The following OSBPL6 variants were observed in gnomAD, a reference collection of about 807,000 sequenced individuals.
The protein encoded by OSBPL6 is oxysterol-binding protein-related protein 6.
Under a neutral mutation model 125.8 loss-of-function variants are expected in OSBPL6, and 49 were observed. That is an observed-to-expected ratio of 0.39 (90% CI 0.31 to 0.49). The LOEUF (loss-of-function observed/expected upper bound fraction) is 0.49. Ranked by LOEUF, OSBPL6 falls within the 20% of genes least tolerant of loss-of-function variation. The pLI is 0.88. For missense variants in OSBPL6, 986 were observed against 1,135.4 expected (o/e 0.87, Z 1.89); for synonymous variants, 394 against 391.8 (o/e 1.01, Z -0.07).
chr2:178,261,195 T>G (rs993918586), intron 1 of OSBPL6, among the ~76,000 whole-genome samples: 3 of 151,912 alleles, frequency 2.0e-5, no homozygotes, highest in African/African-American at 7.2e-5. Context: ...CTGATGCTTA[T>G]CTATATAAAG....
At chr2:178,348,078 T>C (rs949094873) in intron 11 of OSBPL6, among the ~76,000 whole-genome samples, 1 of 152,170 alleles carries the variant, frequency 6.6e-6, no homozygotes, top group Non-Finnish European at 1.5e-5. Context: ...CTCTAAATCC[T>C]TGGAGAAAAA....
At position 178,349,335 on chromosome 2, in the gene OSBPL6, A is replaced by G. The variant is rs1691018634; in HGVS notation, c.1099A>G (p.Ser367Gly). The G allele has an allele frequency of 1.2e-6, 2 of 1,614,084 alleles. No homozygotes were observed. The highest frequency in any genetic ancestry group is 4.5e-5 in the East Asian group (2 of 44,900). The change falls in exon 12 of 25, where the codon AGT becomes GGT. Residue 367 changes from serine to glycine, a missense_variant. Coordinates refer to ENST00000190611, the MANE Select transcript of OSBPL6 (RefSeq NM_032523.4). ...PPSHLTDPLE[S>G]STDYTKLQEE... ...TAGCCACCTCACTGACCCTCTGGAA[A>G]GTTCAACAGATTATACAAAGCTGCA...
At chr2:178,372,274 A>G (rs2154105714) in intron 14 of OSBPL6, 41 bp downstream of exon 14, 1 of 1,423,864 alleles carries the variant, frequency 7.0e-7, no homozygotes, top group Non-Finnish European at 9.8e-7. Flanking sequence ...CCTATTTTTT[A>G]GCATCTAAAT....
Position 178,336,348 on chromosome 2 carries a change from T to C in OSBPL6, c.705T>C (p.Asn235=), listed in dbSNP as rs1238637991. The part of the protein sequence containing the change: ...FPWQSPLPCS[N]SLPATCTTGQ... ...GGCAGTCCCCTTTACCATGCAGCAA[T>C]AGCCTCCCTGCAACGTGCACAACTG... Residue 235 remains asparagine, a synonymous_variant, in exon 9 of 25, where the codon AAT becomes AAC. Coordinates refer to ENST00000190611, the MANE Select transcript of OSBPL6 (RefSeq NM_032523.4). The C allele has an allele frequency of 1.1e-5, 18 of 1,613,962 alleles. No individual in the cohort carries two copies. The highest frequency in any genetic ancestry group is 1.5e-5 in the Non-Finnish European group (18 of 1,179,988).
chr2:178,385,553 T>C (rs1370032021), intron 19 of OSBPL6, 32 bp downstream of exon 19: 4 of 1,489,962 alleles, frequency 2.7e-6, no homozygotes, highest in East Asian at 4.5e-5. Flanking sequence ...TAAAATCAAA[T>C]GTATGAGCCT....
chr2:178,222,032 G>C (rs1483329059), intron 1 of OSBPL6, among the ~76,000 whole-genome samples: 2 of 152,166 alleles, frequency 1.3e-5, no homozygotes, highest in African/African-American at 4.8e-5. Context: ...ATTGGGAATG[G>C]AGAGGAATGA....
intron 1 of OSBPL6, among the ~76,000 whole-genome samples, chr2:178,208,491 A>G (rs988826710): frequency 6.6e-6 from 1 of 152,108 alleles, no homozygotes; most frequent in African/African-American, 2.4e-5. Flanking sequence ...TCCTCCCTCA[A>G]GATCCTTTCA....
chr2:178,278,371 G>T (rs1448746233), intron 1 of OSBPL6, among the ~76,000 whole-genome samples: 1 of 152,120 alleles, frequency 6.6e-6, no homozygotes, highest in Non-Finnish European at 1.5e-5. Context: ...TTTGTTGATT[G>T]TTACATTTCT....
chr2:178,368,519 T>C (rs879113738), intron 13 of OSBPL6, among the ~76,000 whole-genome samples: 1 of 152,186 alleles, frequency 6.6e-6, no homozygotes, highest in Admixed American at 6.5e-5. Context: ...TCTACTTTTG[T>C]CTCAGTTCTA....
At position 178,386,712 on chromosome 2, in the gene OSBPL6, TAC is replaced by T. The variant is rs1385085091; in HGVS notation, c.2078-339_2078-338del. Among the ~76,000 whole-genome samples the T allele has an allele frequency of 3.7e-5, 5 of 136,238 alleles. No homozygotes were observed. The East Asian group carries it at 7.6e-4, about 21-fold the overall frequency. The allele number at this position is 136,238 out of a possible 152,430, so 89.4% of individuals were successfully genotyped here. A position where few individuals can be genotyped will look rare whatever the true frequency, so the allele number is the denominator to read the frequency against. On this transcript the variant is annotated intron_variant, in intron 19 of 24. Transcript: ENST00000190611. ...TCTATGTTTGTATGTAAAATGTGAA[TAC>T]ACACACACAGACACACACACACACA...
intron 1 of OSBPL6, among the ~76,000 whole-genome samples, chr2:178,228,452 G>T (rs529407069): frequency 6.6e-6 from 1 of 152,182 alleles, no homozygotes; most frequent in East Asian, 1.9e-4. Flanking sequence ...GAAGAATGGC[G>T]TGAAGCCGGG....
chr2:178,230,554 A>G (rs999163978), intron 1 of OSBPL6: 1 of 152,270 alleles, frequency 6.6e-6, no homozygotes, highest in Admixed American at 6.5e-5. Flanking sequence ...TGCCCGAGAG[A>G]ACTTGAGTCA....
At chr2:178,204,031 T>C (rs567490892) in intron 1 of OSBPL6, among the ~76,000 whole-genome samples, 128 of 150,236 alleles carry the variant, frequency 8.5e-4, no homozygotes, top group Non-Finnish European at 1.2e-3. Context: ...TTTTCTTTTT[T>C]TTTTTTTTTT....
At chr2:178,265,618 A>G (rs933133725) in intron 1 of OSBPL6, among the ~76,000 whole-genome samples, 32 of 152,108 alleles carry the variant, frequency 2.1e-4, no homozygotes, top group Admixed American at 6.6e-5. Flanking sequence ...GGTGGCTTTA[A>G]GTGGGAAGAT....
At chr2:178,207,119 G>A (rs76643426) in intron 1 of OSBPL6, among the ~76,000 whole-genome samples, 258 of 152,286 alleles carry the variant, frequency 1.7e-3, no homozygotes, top group African/African-American at 5.5e-3. Context: ...GTGGTCTTGT[G>A]TGGGTGCACC....
chr2:178,262,828 T>C (rs551802691), intron 1 of OSBPL6, among the ~76,000 whole-genome samples: 6 of 152,312 alleles, frequency 3.9e-5, no homozygotes, highest in African/African-American at 1.4e-4. Context: ...GAGACATTAA[T>C]ATATATAGAT....
At chr2:178,259,820 C>A (rs1370783775) in intron 1 of OSBPL6, among the ~76,000 whole-genome samples, 2 of 152,134 alleles carry the variant, frequency 1.3e-5, no homozygotes, top group African/African-American at 2.4e-5. Context: ...CTCATAATTT[C>A]TTTAACTCAT....
rs1696047131 is a variant in OSBPL6 at position 178,399,699 on chromosome 2, TTTCTCCAGCCTTGCTCCTAACA to T, written c.*4142_*4163del. 6.6e-6 allele frequency: 1 copy of T among 152,360 alleles called. No homozygotes were observed. Among genetic ancestry groups the T allele is most frequent in the East Asian group, 1.9e-4 (1 of 5,184 alleles). The allele number at this position is 152,360 out of a possible 1,614,324, so 9.4% of individuals were successfully genotyped here. ...CAAAACAACATCTGATTTAGTTCAT[TTTCTCCAGCCTTGCTCCTAACA>T]TAGTGAAAGGCATAGATACACATGT... On this transcript the variant is annotated 3_prime_UTR_variant, in exon 25 of 25. Coordinates refer to ENST00000190611, the MANE Select transcript of OSBPL6 (RefSeq NM_032523.4).
At chr2:178,378,109 A>G (rs6738243) in intron 15 of OSBPL6, among the ~76,000 whole-genome samples, 81,840 of 152,082 alleles carry the variant, frequency 0.54, 22,317 homozygotes, top group East Asian at 0.69. Flanking sequence ...GACTACAGGC[A>G]TGAGCCACTG....
Sources: allele counts gnomAD v4.1 joint callset (sites outside exome capture counted in the v4.1 genomes callset), GRCh38; gene constraint gnomAD v4.1.1; transcripts MANE v1.5; gene names NCBI Gene and HGNC (gene_info 2026-07-23, HGNC 2026-07-21).